The following ADCY2 variants were observed in gnomAD, a reference collection of about 807,000 sequenced individuals.
ADCY2 encodes adenylate cyclase type 2.
Under a neutral mutation model 125.2 loss-of-function variants are expected in ADCY2, and 31 were observed. That is an observed-to-expected ratio of 0.25 (90% CI 0.19 to 0.33). The LOEUF (loss-of-function observed/expected upper bound fraction) is 0.33. Ranked by LOEUF, ADCY2 falls within the 10% of genes least tolerant of loss-of-function variation. The pLI, the probability that ADCY2 is intolerant of heterozygous loss-of-function variation, is 1.00. For synonymous variants in ADCY2, 512 were observed against 548.4 expected, an observed-to-expected ratio of 0.93 and a Z score of 0.93; for missense variants, 904 against 1,418.2, an observed-to-expected ratio of 0.64 and a Z score of 5.82.
chr5:7,736,535 A>G (rs1463245690), intron 14 of ADCY2, among the ~76,000 whole-genome samples: 2 of 152,172 alleles, frequency 1.3e-5, no homozygotes, highest in South Asian at 2.1e-4. Flanking sequence ...GGAAGGAGTA[A>G]GCAGTGGTCA....
intron 14 of ADCY2, among the ~76,000 whole-genome samples, chr5:7,730,748 T>TTCTGTCAGTC (rs1337697812): frequency 6.6e-6 from 1 of 152,202 alleles, no homozygotes; most frequent in Non-Finnish European, 1.5e-5. Flanking sequence ...AATGAAGTAT[T>TTCTGTCAGTC]TCTGTCAGTC....
intron 3 of ADCY2, among the ~76,000 whole-genome samples, chr5:7,608,407 C>T (rs1474396312): frequency 1.3e-5 from 2 of 151,980 alleles, no homozygotes; most frequent in African/African-American, 2.4e-5. Flanking sequence ...GAAACTTTGT[C>T]TCTACTAAAA....
chr5:7,560,530 T>C (rs1735675607), intron 3 of ADCY2, among the ~76,000 whole-genome samples: 1 of 152,054 alleles, frequency 6.6e-6, no homozygotes, highest in Non-Finnish European at 1.5e-5. Context: ...TTTTTAATAG[T>C]GTTGACCCTT....
At chr5:7,661,323 T>G in intron 4 of ADCY2, among the ~76,000 whole-genome samples, 1 of 152,198 alleles carries the variant, frequency 6.6e-6, no homozygotes, top group East Asian at 1.9e-4. Flanking sequence ...AAAAATACTT[T>G]AAACCTTTAA....
chr5:7,635,859 T>C (rs1738483074), intron 4 of ADCY2, among the ~76,000 whole-genome samples: 1 of 152,226 alleles, frequency 6.6e-6, no homozygotes, highest in Admixed American at 6.5e-5. Context: ...TTGAGTTCCC[T>C]CTCATGATAG....
At position 7,764,779 on chromosome 5, in the gene ADCY2, G is replaced by A. The variant is rs370744629; in HGVS notation, c.2095-1908G>A. On this transcript the variant is annotated intron_variant, in intron 16 of 24. Coordinates refer to ENST00000338316, the MANE Select transcript of ADCY2 (RefSeq NM_020546.3). ...AATATTTTCAGTGGAGAAAGTTGGG[G>A]CAGTTTTACCTGGAGGGAAGGTGGG... is the stretch of plus-strand genomic sequence containing the variant. 4.6e-5 allele frequency among the ~76,000 whole-genome samples: 7 copies of A among 152,286 alleles called. No individual in the cohort carries two copies. In the East Asian group the frequency reaches 1.2e-3, roughly 25 times the overall value.
chr5:7,766,838 G>T, intron 17 of ADCY2, 32 bp downstream of exon 17: 1 of 1,602,504 alleles, frequency 6.2e-7, no homozygotes, highest in Non-Finnish European at 8.5e-7. Context: ...CTGCTTTGGT[G>T]GCTCTCCTGT....
At chr5:7,702,406 ATGTGATGTTCCCCTTCC>A (rs1468629939) in intron 7 of ADCY2, among the ~76,000 whole-genome samples, 1 of 150,154 alleles carries the variant, frequency 6.7e-6, no homozygotes, top group Non-Finnish European at 1.5e-5. Flanking sequence ...AGGCCCCGGT[ATGTGATGTTCCCCTTCC>A]TGTGTCCATG....
At position 7,802,695 on chromosome 5, in the gene ADCY2, T is replaced by C. The variant is rs2126522180; in HGVS notation, c.2775+331T>C. Among the ~76,000 whole-genome samples, 1 of 152,324 alleles carries C rather than the reference T, an allele frequency of 6.6e-6. No homozygotes were observed. Among genetic ancestry groups the C allele is most frequent in the East Asian group, 1.9e-4 (1 of 5,188 alleles). On this transcript the variant is annotated intron_variant, in intron 21 of 24. Transcript: ENST00000338316. The surrounding 1 kb of genome is among the most constrained non-coding windows in gnomAD (Gnocchi z 4.6). ...CATCCCTTTCTAGATAAAAAGATAA[T>C]GAATTATAATAGACTATTGGTGTGT...
At position 7,713,718 on chromosome 5, in the gene ADCY2, A is replaced by G. The variant is rs551669425; in HGVS notation, c.1622+819A>G. ...CTGTTCCTCTATCTTTCGGGCACAG[A>G]GTTTTACTTTAATATTGGTTTGGGA... On this transcript the variant is annotated intron_variant, in intron 11 of 24. Coordinates refer to ENST00000338316, the MANE Select transcript of ADCY2 (RefSeq NM_020546.3). Among the ~76,000 whole-genome samples the G allele has an allele frequency of 3.9e-5, 6 of 152,224 alleles. No homozygotes were observed. The East Asian group carries it at 1.2e-3, about 29-fold the overall frequency.
At chr5:7,496,464 T>C (rs879841024) in intron 2 of ADCY2, among the ~76,000 whole-genome samples, 46 of 152,138 alleles carry the variant, frequency 3.0e-4, no homozygotes, top group Non-Finnish European at 6.2e-4. Flanking sequence ...TGATCACTAA[T>C]TGTGGCTATT....
At chr5:7,718,102 C>A (rs1173811806) in intron 12 of ADCY2, among the ~76,000 whole-genome samples, 1 of 151,560 alleles carries the variant, frequency 6.6e-6, no homozygotes, top group Non-Finnish European at 1.5e-5. Context: ...AGTTACAGGG[C>A]CTCAAATAGT....
At chr5:7,594,331 A>T (rs1736939054) in intron 3 of ADCY2, among the ~76,000 whole-genome samples, 1 of 152,140 alleles carries the variant, frequency 6.6e-6, no homozygotes, top group Non-Finnish European at 1.5e-5. Context: ...AACTAATCTG[A>T]TGTGGAGAAT....
chr5:7,593,606 GA>G (rs898028311), intron 3 of ADCY2, among the ~76,000 whole-genome samples: 38 of 152,088 alleles, frequency 2.5e-4, no homozygotes, highest in African/African-American at 9.2e-4. Flanking sequence ...TCAAAAAGAA[GA>G]GACTGGGACT....
chr5:7,614,621 C>A (rs1293013823), intron 3 of ADCY2, among the ~76,000 whole-genome samples: 1 of 152,206 alleles, frequency 6.6e-6, no homozygotes, highest in Non-Finnish European at 1.5e-5. Context: ...TCACTCTTCT[C>A]ACCCTGCTGT....
At chr5:7,528,131 G>A (rs1734533606) in intron 3 of ADCY2, among the ~76,000 whole-genome samples, 1 of 152,178 alleles carries the variant, frequency 6.6e-6, no homozygotes, top group African/African-American at 2.4e-5. Flanking sequence ...GAAGGAATGG[G>A]AGTAAGGATT....
chr5:7,761,148 C>CTTTTCTTTTT (rs747191915), intron 16 of ADCY2, among the ~76,000 whole-genome samples: 2 of 88,162 alleles, frequency 2.3e-5, no homozygotes, highest in African/African-American at 4.6e-5. Context: ...CTTTTCTTTT[C>CTTTTCTTTTT]TTTTTTTTTT....
intron 2 of ADCY2, among the ~76,000 whole-genome samples, chr5:7,434,859 G>A (rs1055790474): frequency 2.0e-5 from 3 of 152,206 alleles, no homozygotes; most frequent in Non-Finnish European, 4.4e-5. Context: ...TGCTGTGGGA[G>A]GCCTGCATGG....
At chr5:7,821,076 T>G (rs1745284132) in intron 24 of ADCY2, among the ~76,000 whole-genome samples, 1 of 152,040 alleles carries the variant, frequency 6.6e-6, no homozygotes, top group Non-Finnish European at 1.5e-5. Context: ...CTCACCTTCT[T>G]CTCTCAAGCT....
Sources: gnomAD v4.1 joint callset for allele counts (sites outside exome capture counted in the v4.1 genomes callset) on GRCh38, gnomAD v4.1.1 for gene constraint, Gnocchi (gnomAD v3.1) non-coding constraint, MANE v1.5 for transcripts, NCBI Gene and HGNC (gene_info 2026-07-23, HGNC 2026-07-21) for gene names.